The following RARB variants were observed in gnomAD, a reference collection of about 807,000 sequenced individuals.
RARB encodes the protein HBV-activated protein.
In RARB, 17 loss-of-function variants were observed where a neutral mutation model predicts 51.9. The observed-to-expected ratio is 0.33, with a 90% CI of 0.22 to 0.49. The LOEUF is 0.49. Among genes scored for constraint, RARB ranks in the 20% least tolerant of loss-of-function variants. The pLI is 0.99. For missense variants in RARB, 369 were observed against 550.8 expected (o/e 0.67, Z 3.30); for synonymous variants, 215 against 195.4 (o/e 1.10, Z -0.84).
At chr3:25,064,158 A>C (rs928764992) in intron 3 of RARB, among the ~76,000 whole-genome samples, 1 of 152,148 alleles carries the variant, frequency 6.6e-6, no homozygotes, top group South Asian at 2.1e-4. Context: ...AAAGCAAGCA[A>C]GCATCCACTT....
At chr3:25,414,033 T>C (rs915856842) in intron 5 of RARB, among the ~76,000 whole-genome samples, 1 of 151,200 alleles carries the variant, frequency 6.6e-6, no homozygotes, top group African/African-American at 2.4e-5. Flanking sequence ...CCAGAAGTTT[T>C]TCCATGTGCT....
At position 24,961,946 on chromosome 3, in the gene RARB, T is replaced by C. The variant is rs1437333139; in HGVS notation, c.-379-98179T>C. Among the ~76,000 whole-genome samples, 112 of 41,170 alleles carry C rather than the reference T, an allele frequency of 2.7e-3. 3 individuals are homozygous for C. The highest frequency in any genetic ancestry group is 0.011 in the African/African-American group (108 of 10,264). 27.0% of individuals were successfully genotyped at this position (41,170 alleles called of 152,430 possible). On this transcript the variant is annotated intron_variant, in intron 2 of 11. Coordinates refer to the RARB transcript ENST00000383772. ...TTTTTTTTTTTTTTTTTTTTTTTTT[T>C]TGAGACAGAGTCTTGCTCTGTCGCC...
intron 5 of RARB, among the ~76,000 whole-genome samples, chr3:25,183,340 C>T (rs996943642): frequency 5.3e-5 from 8 of 152,058 alleles, no homozygotes; most frequent in African/African-American, 1.9e-4. Flanking sequence ...GATTATAATT[C>T]ACAATGTTCA....
intron 2 of RARB, among the ~76,000 whole-genome samples, chr3:24,970,224 A>G (rs1249358169): frequency 6.6e-6 from 1 of 152,064 alleles, no homozygotes; most frequent in African/African-American, 2.4e-5. Flanking sequence ...GCTGATTTAG[A>G]AGGAATTCTA....
intron 5 of RARB, among the ~76,000 whole-genome samples, chr3:25,331,422 A>G (rs1704891853): frequency 6.6e-6 from 1 of 152,226 alleles, no homozygotes; most frequent in South Asian, 2.1e-4. Context: ...CTCCTGAATG[A>G]CTACTGGATA....
intron 5 of RARB, among the ~76,000 whole-genome samples, chr3:25,310,708 T>C (rs1263098144): frequency 6.6e-6 from 1 of 152,166 alleles, no homozygotes; most frequent in Admixed American, 6.5e-5. Flanking sequence ...TACCATTTTC[T>C]TTACCCCTCT....
At chr3:24,880,280 G>GA (rs1307340137) in intron 2 of RARB, among the ~76,000 whole-genome samples, 1 of 151,720 alleles carries the variant, frequency 6.6e-6, no homozygotes, top group African/African-American at 2.4e-5. Context: ...CAGAGAGATG[G>GA]AAAAAATAGA....
intron 1 of RARB, among the ~76,000 whole-genome samples, chr3:25,444,570 A>G (rs939362803): frequency 6.6e-6 from 1 of 152,208 alleles, no homozygotes; most frequent in Admixed American, 6.5e-5. Flanking sequence ...GAAAGGTAAC[A>G]GAGAACAAGT....
chr3:25,051,829 G>GGA (rs1698340004), intron 2 of RARB, among the ~76,000 whole-genome samples: 1 of 152,136 alleles, frequency 6.6e-6, no homozygotes, highest in Non-Finnish European at 1.5e-5. Flanking sequence ...ATGCTTGAAG[G>GGA]GAGGAAGCAT....
chr3:25,183,495 C>T (rs1404901133), intron 5 of RARB, among the ~76,000 whole-genome samples: 1 of 152,040 alleles, frequency 6.6e-6, no homozygotes, highest in African/African-American at 2.4e-5. Context: ...GCCTCAAAAC[C>T]CTGCAGGATT....
intron 2 of RARB, among the ~76,000 whole-genome samples, chr3:25,013,630 C>G (rs1168428430): frequency 1.3e-5 from 2 of 152,002 alleles, no homozygotes; most frequent in African/African-American, 4.8e-5. Flanking sequence ...AAAACAAACA[C>G]CCAGTTCTAG....
chr3:24,907,576 G>A (rs909539132), intron 2 of RARB, among the ~76,000 whole-genome samples: 1 of 152,156 alleles, frequency 6.6e-6, no homozygotes, highest in Non-Finnish European at 1.5e-5. Flanking sequence ...GAAGCTGAGT[G>A]GAAGTATGGT....
At chr3:25,487,654 G>A (rs1696536853) in intron 2 of RARB, among the ~76,000 whole-genome samples, 1 of 152,064 alleles carries the variant, frequency 6.6e-6, no homozygotes, top group Non-Finnish European at 1.5e-5. Flanking sequence ...AATACTTTGG[G>A]TAAGCAAGCT....
intron 2 of RARB, among the ~76,000 whole-genome samples, chr3:24,891,759 G>C (rs1314735113): frequency 1.3e-5 from 2 of 152,106 alleles, no homozygotes; most frequent in Non-Finnish European, 2.9e-5. Context: ...GGAGAACAAA[G>C]TGGTTAAACA....
intron 2 of RARB, among the ~76,000 whole-genome samples, chr3:24,898,139 C>T (rs1027234232): frequency 1.3e-4 from 20 of 152,098 alleles, no homozygotes; most frequent in East Asian, 5.8e-4. Context: ...TGAGTCCACA[C>T]ATTGTTGGTG....
At chr3:25,570,195 A>G (rs1207936379) in intron 4 of RARB, among the ~76,000 whole-genome samples, 3 of 152,240 alleles carry the variant, frequency 2.0e-5, no homozygotes, top group Admixed American at 2.0e-4. Flanking sequence ...AGTATTTGCT[A>G]TACGACAGGC....
At chr3:25,244,908 T>G (rs1702520941) in intron 5 of RARB, among the ~76,000 whole-genome samples, 1 of 152,180 alleles carries the variant, frequency 6.6e-6, no homozygotes, top group Non-Finnish European at 1.5e-5. Context: ...AGTGTGGTGT[T>G]AAAGTCTCCC....
chr3:24,883,355 A>AT (rs1553610564), intron 2 of RARB, among the ~76,000 whole-genome samples: 1 of 66,992 alleles, frequency 1.5e-5, no homozygotes, highest in African/African-American at 4.9e-5. Flanking sequence ...TTCAACAATC[A>AT]TTGTGTGTGT....
intron 5 of RARB, among the ~76,000 whole-genome samples, chr3:25,308,544 G>A (rs1241383126): frequency 6.6e-6 from 1 of 150,932 alleles, no homozygotes. Flanking sequence ...TGCCTCCCAG[G>A]TTCAAGCGAT....
Sources: gnomAD v4.1 joint callset for allele counts (sites outside exome capture counted in the v4.1 genomes callset) on GRCh38, gnomAD v4.1.1 for gene constraint, MANE v1.5 for transcripts, NCBI Gene and HGNC (gene_info 2026-07-23, HGNC 2026-07-21) for gene names.